FNIP2: variants seen among roughly 807,000 people sequenced by gnomAD.
The protein encoded by FNIP2 is folliculin-interacting protein 2.
A neutral mutation model predicts 108.7 loss-of-function variants in FNIP2; 32 were observed. That is an observed-to-expected ratio of 0.29 (90% CI 0.22 to 0.40). The LOEUF (loss-of-function observed/expected upper bound fraction) is 0.40, where lower values mean the gene tolerates loss of function less well. FNIP2 is among the 10% of genes least tolerant of loss of function. The pLI is 1.00. For synonymous variants in FNIP2, 480 were observed against 496.7 expected (o/e 0.97, Z 0.45); for missense variants, 1,202 against 1,381.6 (o/e 0.87, Z 2.06).
intron 1 of FNIP2, among the ~76,000 whole-genome samples, chr4:158,810,194 T>C (rs1268445664): frequency 6.6e-6 from 1 of 152,252 alleles, no homozygotes; most frequent in African/African-American, 2.4e-5. Flanking sequence ...TTCTCACTGC[T>C]GCTCCTGGAA....
chr4:158,851,504 G>A, intron 8 of FNIP2, 54 bp downstream of exon 8: 1 of 1,598,120 alleles, frequency 6.3e-7, no homozygotes, highest in Non-Finnish European at 8.5e-7. Flanking sequence ...GCAGCTTGAT[G>A]AAACTGGCAG....
chr4:158,882,441 G>A (rs1396771042), intron 14 of FNIP2, among the ~76,000 whole-genome samples: 1 of 151,804 alleles, frequency 6.6e-6, no homozygotes, highest in East Asian at 2.0e-4. Flanking sequence ...CTGCCTGGCC[G>A]CCCCTTCTGG....
intron 7 of FNIP2, among the ~76,000 whole-genome samples, chr4:158,841,823 C>T (rs764099414): frequency 1.3e-5 from 2 of 152,274 alleles, no homozygotes; most frequent in Non-Finnish European, 2.9e-5. Flanking sequence ...GACTCCCCAG[C>T]AACGGGATAT....
At chr4:158,882,415 G>A (rs1781724341) in intron 14 of FNIP2, among the ~76,000 whole-genome samples, 1 of 151,912 alleles carries the variant, frequency 6.6e-6, no homozygotes, top group Non-Finnish European at 1.5e-5. Context: ...CCCCGTCCGG[G>A]AGGTGGGGGG....
chr4:158,770,485 T>C (rs145403127), intron 1 of FNIP2, among the ~76,000 whole-genome samples: 222 of 152,360 alleles, frequency 1.5e-3, no homozygotes, highest in African/African-American at 4.0e-3. Context: ...TTTTATGTTC[T>C]AGATTTTGCT....
At chr4:158,874,639 G>A (rs909901151) in intron 14 of FNIP2, among the ~76,000 whole-genome samples, 3 of 152,032 alleles carry the variant, frequency 2.0e-5, no homozygotes, top group Admixed American at 6.5e-5. Context: ...GGGTAACAGA[G>A]CAAGACCTCA....
In FNIP2 at chr4:158,869,109, G is replaced by T. The variant is rs199647293; in HGVS notation, c.2473G>T (p.Gly825Cys). Residue 825 changes from glycine (G) to cysteine (C), a missense_variant, in exon 13 of 17, where the codon GGT (glycine) becomes TGT (cysteine). Physicochemically the swap from Gly to Cys is radical, Grantham distance 159. Transcript: ENST00000264433. Reference protein sequence around the residue: ...HAADLGTASHGAGGTGGRRLE... With the variant: ...HAADLGTASHCAGGTGGRRLE... ...TGCTGACTTGGGCACAGCCTCCCAC[G>T]GTGCAGGAGGAACGGGAGGGAGGAG... 3.7e-6 allele frequency: 6 copies of T among 1,613,872 alleles called. No homozygotes were observed. The highest frequency in any genetic ancestry group is 2.2e-5 in the East Asian group (1 of 44,902).
chr4:158,862,859 A>G (rs1379010450), intron 12 of FNIP2, among the ~76,000 whole-genome samples: 2 of 152,216 alleles, frequency 1.3e-5, no homozygotes, highest in African/African-American at 4.8e-5. Context: ...GCTGGATATT[A>G]AGGAAACATT....
rs1578942703 is a variant in FNIP2 at position 158,868,025 on chromosome 4, G to A, written c.1466-77G>A. ...ATTGGGAATATAAGTTATCTGTTTT[G>A]CTCTTGTAAAGACGGATATATCTGT... On this transcript the variant is annotated intron_variant, in intron 12 of 16. Coordinates refer to ENST00000264433, the MANE Select transcript of FNIP2 (RefSeq NM_020840.3). The surrounding 1 kb of genome is among the most constrained non-coding windows in gnomAD (Gnocchi z 4.6). The A allele has an allele frequency of 6.5e-7, 1 of 1,542,356 alleles. No individual in the cohort carries two copies.
chr4:158,812,428 A>C (rs963184500), intron 1 of FNIP2, among the ~76,000 whole-genome samples: 1 of 152,112 alleles, frequency 6.6e-6, no homozygotes, highest in African/African-American at 2.4e-5. Flanking sequence ...AGCTCAAGTT[A>C]TGTGTCCTTG....
intron 14 of FNIP2, among the ~76,000 whole-genome samples, chr4:158,882,606 G>A (rs1404693203): frequency 6.6e-6 from 1 of 152,268 alleles, no homozygotes; most frequent in African/African-American, 2.4e-5. Context: ...TGCTGTGGCT[G>A]TGTAGAAAGA....
intron 1 of FNIP2, among the ~76,000 whole-genome samples, chr4:158,823,612 G>A (rs2347076): frequency 2.0e-5 from 3 of 152,174 alleles, no homozygotes; most frequent in African/African-American, 7.2e-5. Context: ...CTAATTCCAG[G>A]AATAGTGCTT....
chr4:158,834,415 A>G (rs571744157), intron 6 of FNIP2: 1 of 150,370 alleles, frequency 6.7e-6, no homozygotes, highest in South Asian at 2.1e-4. Flanking sequence ...TTGTCTTAGC[A>G]TGATTAAACA....
At chr4:158,793,172 T>G (rs1280103667) in intron 1 of FNIP2, among the ~76,000 whole-genome samples, 1 of 152,220 alleles carries the variant, frequency 6.6e-6, no homozygotes, top group Non-Finnish European at 1.5e-5. Flanking sequence ...ATAGGGATAC[T>G]TAGGTCAGAG....
At chr4:158,887,736 C>CAAAAAA (rs10645281) in intron 14 of FNIP2, among the ~76,000 whole-genome samples, 4 of 78,734 alleles carry the variant, frequency 5.1e-5, no homozygotes, top group African/African-American at 1.5e-4. Flanking sequence ...GACTCTGTCT[C>CAAAAAA]AAAAAAAAAA....
At chr4:158,835,107 A>G in intron 6 of FNIP2, 2 of 177,392 alleles carry the variant, frequency 1.1e-5, no homozygotes, top group South Asian at 2.5e-4. Flanking sequence ...CATTGCATCA[A>G]CTGCACGAAT....
chr4:158,895,078 C>T (rs1782555909), intron 15 of FNIP2, among the ~76,000 whole-genome samples: 1 of 152,132 alleles, frequency 6.6e-6, no homozygotes, highest in Non-Finnish European at 1.5e-5. Context: ...GTGAAAGACA[C>T]AGATGGTTGC....
intron 16 of FNIP2, among the ~76,000 whole-genome samples, chr4:158,903,359 C>T (rs984552598): frequency 6.6e-6 from 1 of 152,156 alleles, no homozygotes; most frequent in African/African-American, 2.4e-5. Flanking sequence ...GTTGGAAATA[C>T]AGAAATCACC....
chr4:158,798,174 C>T (rs1578834190), intron 1 of FNIP2, among the ~76,000 whole-genome samples: 2 of 152,164 alleles, frequency 1.3e-5, no homozygotes, highest in South Asian at 4.2e-4. Context: ...AAATGATCCT[C>T]CCACCGCAGC....
Sources: gnomAD v4.1 joint callset for allele counts (sites outside exome capture counted in the v4.1 genomes callset) on GRCh38, gnomAD v4.1.1 for gene constraint, Gnocchi (gnomAD v3.1) non-coding constraint, MANE v1.5 for transcripts, NCBI Gene and HGNC (gene_info 2026-07-23, HGNC 2026-07-21) for gene names.